Variants in PDE9A observed in about 807,000 individuals in gnomAD.
The protein encoded by PDE9A is phosphodiesterase 9A.
Under a neutral mutation model 87.4 loss-of-function variants are expected in PDE9A, and 60 were observed. The ratio of observed to expected loss-of-function variants is 0.69; its 90% CI spans 0.56 to 0.85. PDE9A has a LOEUF of 0.85. Ranked by LOEUF, PDE9A falls within the 40% of genes least tolerant of loss-of-function variation. The pLI, the probability that PDE9A is intolerant of heterozygous loss-of-function variation, is 0.00. For missense variants in PDE9A, 665 were observed against 779.0 expected, an observed-to-expected ratio of 0.85 and a Z score of 1.74; for synonymous variants, 272 against 279.4, an observed-to-expected ratio of 0.97 and a Z score of 0.27.
intron 14 of PDE9A, among the ~76,000 whole-genome samples, chr21:42,762,687 CTTTTA>C (rs1355800876): frequency 9.2e-5 from 14 of 152,088 alleles, no homozygotes; most frequent in Non-Finnish European, 1.5e-4. Flanking sequence ...AGCCCCCTTC[CTTTTA>C]TTTATTTTTT....
At chr21:42,654,044 C>T (rs968646924) in intron 1 of PDE9A, among the ~76,000 whole-genome samples, 161 bp downstream of exon 1, 9 of 145,682 alleles carry the variant, frequency 6.2e-5, no homozygotes, top group Non-Finnish European at 1.2e-4. Flanking sequence ...CGCGCCGGCT[C>T]CCCGGGGAAA....
At chr21:42,732,371 G>A (rs927102055) in intron 6 of PDE9A, among the ~76,000 whole-genome samples, 1 of 152,230 alleles carries the variant, frequency 6.6e-6, no homozygotes, top group Non-Finnish European at 1.5e-5. Flanking sequence ...ATGTGAGCTC[G>A]TGAGGTCGAG....
At position 42,671,618 on chromosome 21, in the gene PDE9A, A is replaced by C. The variant is rs530231280; in HGVS notation, c.70-14574A>C. 2.6e-5 allele frequency among the ~76,000 whole-genome samples: 4 copies of C among 152,218 alleles called. No homozygotes were observed. In the South Asian group the frequency reaches 8.3e-4, roughly 32 times the overall value. On this transcript the variant is annotated intron_variant, in intron 1 of 19. Coordinates refer to ENST00000291539, the MANE Select transcript of PDE9A (RefSeq NM_002606.3). Reference sequence around the variant, plus strand: ...GAGGTAAATTGCAGATGAATTGCAGATGTACACAGACAGATGGATGGACAG... The same window carrying C: ...GAGGTAAATTGCAGATGAATTGCAGCTGTACACAGACAGATGGATGGACAG...
intron 10 of PDE9A, among the ~76,000 whole-genome samples, chr21:42,755,219 G>A (rs1222811542): frequency 2.0e-5 from 3 of 152,240 alleles, no homozygotes; most frequent in Admixed American, 6.5e-5. Context: ...AAGCTCGGCC[G>A]CAGCGATGTC....
chr21:42,721,015 A>G (rs951488714), intron 4 of PDE9A, among the ~76,000 whole-genome samples: 4 of 152,134 alleles, frequency 2.6e-5, no homozygotes, highest in African/African-American at 7.2e-5. Context: ...CAAAAAAAAA[A>G]AGAAGGATAG....
intron 3 of PDE9A, chr21:42,697,369 G>A: frequency 8.5e-7 from 1 of 1,176,396 alleles, no homozygotes; most frequent in Non-Finnish European, 1.3e-6. Context: ...ACCATGAACA[G>A]CTTGGTGTGT....
intron 1 of PDE9A, among the ~76,000 whole-genome samples, chr21:42,681,012 G>A (rs1407434304): frequency 1.3e-5 from 2 of 152,216 alleles, no homozygotes; most frequent in Non-Finnish European, 2.9e-5. Flanking sequence ...GCAACCAGTG[G>A]GGACGTTGAG....
intron 4 of PDE9A, among the ~76,000 whole-genome samples, chr21:42,709,531 C>T (rs562397463): frequency 5.3e-5 from 8 of 152,288 alleles, no homozygotes; most frequent in African/African-American, 1.9e-4. Flanking sequence ...TTTCCATCAC[C>T]CTAGAAAAAT....
At chr21:42,715,501 C>T (rs73379675) in intron 4 of PDE9A, among the ~76,000 whole-genome samples, 4,888 of 149,348 alleles carry the variant, frequency 0.033, 285 homozygotes, top group African/African-American at 0.11. Flanking sequence ...ATGGCGCACA[C>T]CTGTAATGCC....
In PDE9A at chr21:42,695,746, G is replaced by A. The variant is rs139835593; in HGVS notation, c.219-3222G>A. 6.4e-4 allele frequency among the ~76,000 whole-genome samples: 97 copies of A among 152,322 alleles called. No individual in the cohort carries two copies. Among genetic ancestry groups the A allele is most frequent in the African/African-American group, 2.2e-3 (93 of 41,554 alleles). ...TAGATCTTAGAAAAAGACAAATACA[G>A]TAGAAGCTGGAGGCAAGCTTATCCT... is the stretch of plus-strand genomic sequence containing the variant. On this transcript the variant is annotated intron_variant, in intron 3 of 19. Transcript: ENST00000291539. The surrounding 1 kb of genome is among the most constrained non-coding windows in gnomAD (Gnocchi z 4.3).
intron 8 of PDE9A, among the ~76,000 whole-genome samples, chr21:42,746,578 A>G (rs565594675): frequency 2.0e-5 from 3 of 152,320 alleles, no homozygotes; most frequent in South Asian, 4.1e-4. Flanking sequence ...CATCCCCTTA[A>G]CTACATCTGC....
rs759232366 is a variant in PDE9A at position 42,769,123 on chromosome 21, G to C, written c.1558G>C (p.Val520Leu). 1 of 1,613,846 alleles carries C rather than the reference G, an allele frequency of 6.2e-7. No individual in the cohort carries two copies. The change falls in exon 17 of 20, where the codon GTC becomes CTC. Residue 520 changes from valine (V) to leucine (L), a missense_variant. Coordinates refer to ENST00000291539, the MANE Select transcript of PDE9A (RefSeq NM_002606.3). ...ATAQIGFIKF[V>L]LIPMFETVTK... is the part of the protein sequence containing the mutation. ...AGCCCAGATTGGGTTCATCAAGTTTGTCCTGATCCCAATGTTTGAAACAGT... is the reference window on the plus strand; with the variant it reads ...AGCCCAGATTGGGTTCATCAAGTTTCTCCTGATCCCAATGTTTGAAACAGT...
At chr21:42,737,952 A>G (rs1482369231) in intron 7 of PDE9A, among the ~76,000 whole-genome samples, 2 of 152,222 alleles carry the variant, frequency 1.3e-5, no homozygotes, top group Non-Finnish European at 2.9e-5. Context: ...TTTGATATAC[A>G]AAGTTTAGCC....
At chr21:42,691,235 G>C (rs958756299) in intron 3 of PDE9A, among the ~76,000 whole-genome samples, 9 of 136,790 alleles carry the variant, frequency 6.6e-5, no homozygotes, top group African/African-American at 1.4e-4. Flanking sequence ...TCACCATCCA[G>C]ATTCACCCAG....
chr21:42,680,230 C>T (rs1030384554), intron 1 of PDE9A, among the ~76,000 whole-genome samples: 6 of 152,248 alleles, frequency 3.9e-5, no homozygotes, highest in Non-Finnish European at 7.3e-5. Flanking sequence ...CACTGACAGT[C>T]GCCACCAGCT....
chr21:42,748,509 T>C (rs958256924), intron 8 of PDE9A, among the ~76,000 whole-genome samples: 2 of 152,254 alleles, frequency 1.3e-5, no homozygotes, highest in Non-Finnish European at 2.9e-5. Flanking sequence ...GAAGCCTCTT[T>C]TTCCAGAAAG....
intron 4 of PDE9A, among the ~76,000 whole-genome samples, chr21:42,711,894 C>T (rs1322393755): frequency 6.6e-6 from 1 of 152,168 alleles, no homozygotes; most frequent in Admixed American, 6.5e-5. Context: ...TCGCTGAACT[C>T]TGTTCTGCTT....
intron 1 of PDE9A, among the ~76,000 whole-genome samples, chr21:42,657,665 A>G (rs954202361): frequency 3.9e-5 from 6 of 152,184 alleles, no homozygotes; most frequent in African/African-American, 1.4e-4. Context: ...TGGGTTTGCC[A>G]ATCTTCCGAA....
rs372360852 is a variant in PDE9A at position 42,760,805 on chromosome 21, C to T, written c.1003-20C>T. On this transcript the variant is annotated intron_variant, in intron 12 of 19. Transcript: ENST00000291539. This position sits in a 1 kb window ranked among gnomAD's most constrained non-coding sequence, Gnocchi z 5.2. ...TCCGAGTGAAGAGAGCAAACACCTA[C>T]GCCCTGTTTTCCAATCCAGGAGAAG... 9 of 1,448,332 alleles carry T rather than the reference C, an allele frequency of 6.2e-6. No homozygotes were observed. The highest frequency in any genetic ancestry group is 1.4e-5 in the African/African-American group (1 of 71,998). 89.7% of individuals were successfully genotyped at this position (1,448,332 alleles called of 1,614,324 possible).
Sources: gnomAD v4.1 joint callset for allele counts (sites outside exome capture counted in the v4.1 genomes callset) on GRCh38, gnomAD v4.1.1 for gene constraint, Gnocchi (gnomAD v3.1) non-coding constraint, MANE v1.5 for transcripts, NCBI Gene and HGNC (gene_info 2026-07-23, HGNC 2026-07-21) for gene names.